The following ARHGAP28 variants were observed in gnomAD, a reference collection of about 807,000 sequenced individuals.
ARHGAP28 encodes the protein Rho GTPase activating protein 28, also known as rho GTPase-activating protein 28.
In ARHGAP28, 56 loss-of-function variants were observed where a neutral mutation model predicts 90.7. The observed-to-expected ratio is 0.62, with a 90% CI of 0.50 to 0.77. ARHGAP28 has a LOEUF of 0.77. Ranked by LOEUF, ARHGAP28 falls within the 30% of genes least tolerant of loss-of-function variation. The pLI, the probability that ARHGAP28 is intolerant of heterozygous loss-of-function variation, is 0.00. For missense variants in ARHGAP28, 869 were observed against 900.9 expected, an observed-to-expected ratio of 0.96 and a Z score of 0.45; for synonymous variants, 308 against 323.3, an observed-to-expected ratio of 0.95 and a Z score of 0.51.
At chr18:6,886,264 A>G (rs978702141) in intron 11 of ARHGAP28, among the ~76,000 whole-genome samples, 2 of 152,066 alleles carry the variant, frequency 1.3e-5, no homozygotes, top group Non-Finnish European at 2.9e-5. Context: ...CCAGAACATA[A>G]TGCTTTCCTC....
In ARHGAP28 at chr18:6,909,124, T is replaced by C. The variant is rs1014767292; in HGVS notation, c.2095+100T>C. Reference sequence around the variant, plus strand: ...AGGTATGTTTTATGAATTTCTCAGATAAAAACTAAAAATCAGTAGGTTTCT... The same window carrying C: ...AGGTATGTTTTATGAATTTCTCAGACAAAAACTAAAAATCAGTAGGTTTCT... On this transcript the variant is annotated intron_variant, in intron 17 of 17. Transcript: ENST00000383472. 4.2e-6 allele frequency: 3 copies of C among 717,062 alleles called. No individual in the cohort carries two copies. The African/African-American group carries it at 5.4e-5, about 13-fold the overall frequency. 44.4% of individuals were successfully genotyped at this position (717,062 alleles called of 1,614,324 possible). A position where few individuals can be genotyped will look rare whatever the true frequency, so the allele number is the denominator to read the frequency against.
At chr18:6,859,473 G>A (rs537800617) in intron 4 of ARHGAP28, among the ~76,000 whole-genome samples, 7 of 152,040 alleles carry the variant, frequency 4.6e-5, no homozygotes, top group East Asian at 1.9e-4. Flanking sequence ...ACACCTTGTC[G>A]GCCACGTGAC....
At chr18:6,909,854 C>G (rs2057386567) in intron 17 of ARHGAP28, among the ~76,000 whole-genome samples, 1 of 152,100 alleles carries the variant, frequency 6.6e-6, no homozygotes, top group Non-Finnish European at 1.5e-5. Context: ...CCTCCTCTCA[C>G]CAGCACCCTC....
chr18:6,890,633 A>G, intron 14 of ARHGAP28, 90 bp downstream of exon 14: 1 of 722,074 alleles, frequency 1.4e-6, no homozygotes, highest in South Asian at 2.2e-5. Context: ...ATTTAGAACC[A>G]AGCATTTTAT....
At chr18:6,888,165 T>C (rs1306306751) in intron 12 of ARHGAP28, among the ~76,000 whole-genome samples, 1 of 152,228 alleles carries the variant, frequency 6.6e-6, no homozygotes, top group Non-Finnish European at 1.5e-5. Context: ...GAACATTTGA[T>C]AGAATCATAT....
intron 3 of ARHGAP28, among the ~76,000 whole-genome samples, chr18:6,843,308 T>A (rs2056842064): frequency 6.6e-6 from 1 of 152,110 alleles, no homozygotes; most frequent in Admixed American, 6.5e-5. Flanking sequence ...CGCTCTTCAG[T>A]GTCTGGAAGG....
At chr18:6,770,269 A>C (rs1222602937) in intron 1 of ARHGAP28, among the ~76,000 whole-genome samples, 2 of 152,212 alleles carry the variant, frequency 1.3e-5, no homozygotes, top group Non-Finnish European at 2.9e-5. Flanking sequence ...ATGGGCTCAA[A>C]TAAGGATAGA....
At chr18:6,795,270 G>A (rs1897288) in intron 1 of ARHGAP28, among the ~76,000 whole-genome samples, 38,464 of 151,960 alleles carry the variant, frequency 0.25, 6,612 homozygotes, top group African/African-American at 0.49. Flanking sequence ...AAGGAAGAGA[G>A]CTGGAGGGGT....
intron 16 of ARHGAP28, among the ~76,000 whole-genome samples, chr18:6,907,902 A>T (rs2143855107): frequency 6.6e-6 from 1 of 152,238 alleles, no homozygotes; most frequent in African/African-American, 2.4e-5. Flanking sequence ...AACAAAAAAC[A>T]ACAACAAAAA....
chr18:6,817,997 G>A (rs2056603023), intron 1 of ARHGAP28, among the ~76,000 whole-genome samples: 1 of 152,126 alleles, frequency 6.6e-6, no homozygotes, highest in East Asian at 1.9e-4. Context: ...ACCCATGATA[G>A]CCACACCCTA....
chr18:6,759,734 A>G (rs1456055310), intron 1 of ARHGAP28, among the ~76,000 whole-genome samples: 1 of 152,210 alleles, frequency 6.6e-6, no homozygotes, highest in African/African-American at 2.4e-5. Flanking sequence ...CTATGAAAGA[A>G]TAACAGAGAA....
intron 4 of ARHGAP28, among the ~76,000 whole-genome samples, chr18:6,855,364 C>T (rs974935288): frequency 3.3e-5 from 5 of 152,190 alleles, no homozygotes; most frequent in Non-Finnish European, 7.3e-5. Context: ...ATAAAAACCC[C>T]TGGATTCAGC....
At chr18:6,832,392 G>C (rs1437975715) in intron 2 of ARHGAP28, among the ~76,000 whole-genome samples, 1 of 151,946 alleles carries the variant, frequency 6.6e-6, no homozygotes, top group African/African-American at 2.4e-5. Context: ...GGTTAGTGTG[G>C]TGTTCTGTAA....
chr18:6,876,389 T>C (rs1429347417), intron 10 of ARHGAP28, among the ~76,000 whole-genome samples, 181 bp downstream of exon 10: 2 of 152,160 alleles, frequency 1.3e-5, no homozygotes, highest in Admixed American at 1.3e-4. Context: ...ATCCAGAATT[T>C]TAAAAATCAA....
chr18:6,910,530 C>A (rs1000592177), intron 17 of ARHGAP28, among the ~76,000 whole-genome samples: 22 of 152,116 alleles, frequency 1.4e-4, no homozygotes, highest in Admixed American at 3.3e-4. Flanking sequence ...GCCCTCCCCC[C>A]AGACAGCCTC....
chr18:6,824,262 G>C (rs547423821), intron 1 of ARHGAP28, among the ~76,000 whole-genome samples: 1 of 152,232 alleles, frequency 6.6e-6, no homozygotes, highest in African/African-American at 2.4e-5. Flanking sequence ...TTTTTAGCCA[G>C]GTGTGGTGGC....
chr18:6,868,333 G>A lies in ARHGAP28; in HGVS notation c.811+99G>A, dbSNP rs577297435. On this transcript the variant is annotated intron_variant, in intron 6 of 17. Coordinates refer to ENST00000383472, the MANE Select transcript of ARHGAP28 (RefSeq NM_001366230.1). ...GTGAATTTCTAAAAGCGAAGTATAA[G>A]TGTGCTTTTCTCCCTGTTGTGATTC... 5.6e-5 allele frequency: 59 copies of A among 1,052,420 alleles called. No individual in the cohort carries two copies. The South Asian group carries it at 6.7e-4, about 12-fold the overall frequency. 65.2% of individuals were successfully genotyped at this position (1,052,420 alleles called of 1,614,324 possible).
At chr18:6,865,113 G>A (rs1396350209) in intron 5 of ARHGAP28, among the ~76,000 whole-genome samples, 1 of 151,894 alleles carries the variant, frequency 6.6e-6, no homozygotes, top group African/African-American at 2.4e-5. Flanking sequence ...GCTCTACTTG[G>A]ATAATTTTTT....
At chr18:6,853,845 G>A (rs1266721023) in intron 4 of ARHGAP28, among the ~76,000 whole-genome samples, 1 of 152,010 alleles carries the variant, frequency 6.6e-6, no homozygotes, top group Non-Finnish European at 1.5e-5. Flanking sequence ...TTTCCAGATC[G>A]AACCAATGTA....
Sources: allele counts gnomAD v4.1 joint callset (sites outside exome capture counted in the v4.1 genomes callset), GRCh38; gene constraint gnomAD v4.1.1; transcripts MANE v1.5; gene names NCBI Gene and HGNC (gene_info 2026-07-23, HGNC 2026-07-21).